GRM7: variants seen among roughly 807,000 people sequenced by gnomAD.
GRM7 encodes the protein glutamate metabotropic receptor 7, also known as metabotropic glutamate receptor 7.
Under a neutral mutation model 84.5 loss-of-function variants are expected in GRM7, and 35 were observed. That is an observed-to-expected ratio of 0.41 (90% CI 0.32 to 0.55). The LOEUF (loss-of-function observed/expected upper bound fraction) is 0.55, where lower values mean the gene tolerates loss of function less well. GRM7 is among the 20% of genes least tolerant of loss of function. The pLI is 0.19. For synonymous variants in GRM7, 487 were observed against 455.1 expected (o/e 1.07, Z -0.89); for missense variants, 1,003 against 1,194.6 (o/e 0.84, Z 2.36).
At chr3:7,235,429 C>T (rs1348058606) in intron 2 of GRM7, among the ~76,000 whole-genome samples, 1 of 152,138 alleles carries the variant, frequency 6.6e-6, no homozygotes, top group Non-Finnish European at 1.5e-5. Context: ...TTGGCCACCA[C>T]CAATAAGGAA....
chr3:7,712,638 C>CT (rs745932067), intron 9 of GRM7, among the ~76,000 whole-genome samples: 7 of 135,272 alleles, frequency 5.2e-5, no homozygotes, highest in Admixed American at 2.4e-4. Flanking sequence ...TTTCTTTGTT[C>CT]TTTTTTTTGT....
chr3:7,354,334 T>C (rs557716629), intron 4 of GRM7, among the ~76,000 whole-genome samples: 1 of 151,156 alleles, frequency 6.6e-6, no homozygotes, highest in Admixed American at 6.6e-5. Context: ...AGGTGATTAA[T>C]GGAGTGTTAC....
At chr3:6,909,999 A>G (rs904098555) in intron 1 of GRM7, among the ~76,000 whole-genome samples, 1 of 152,128 alleles carries the variant, frequency 6.6e-6, no homozygotes, top group African/African-American at 2.4e-5. Flanking sequence ...TAAAAATTCT[A>G]TATTAAATCC....
chr3:7,555,126 G>A (rs1219645916), intron 7 of GRM7, among the ~76,000 whole-genome samples: 1 of 152,214 alleles, frequency 6.6e-6, no homozygotes, highest in African/African-American at 2.4e-5. Flanking sequence ...GTTGTAAAAT[G>A]TGGATGACAC....
chr3:7,092,570 T>A (rs901733261), intron 1 of GRM7, among the ~76,000 whole-genome samples: 4 of 145,758 alleles, frequency 2.7e-5, no homozygotes, highest in African/African-American at 1.0e-4. Context: ...TTTATGTTGA[T>A]GTTTTCAGCT....
intron 9 of GRM7, among the ~76,000 whole-genome samples, chr3:7,683,502 T>C (rs572109727): frequency 6.6e-6 from 1 of 152,208 alleles, no homozygotes; most frequent in Non-Finnish European, 1.5e-5. Context: ...TAACTAGATA[T>C]TGGCTAAACC....
At chr3:7,415,561 G>T (rs560880902) in intron 5 of GRM7, among the ~76,000 whole-genome samples, 191 of 152,200 alleles carry the variant, frequency 1.3e-3, no homozygotes, top group African/African-American at 4.4e-3. Flanking sequence ...GAGTGATTGG[G>T]TTTAGAATAA....
At chr3:7,358,944 C>T (rs112104613) in intron 4 of GRM7, among the ~76,000 whole-genome samples, 8 of 144,770 alleles carry the variant, frequency 5.5e-5, no homozygotes, top group Non-Finnish European at 1.1e-4. Context: ...ATGGTGAAAC[C>T]CTGTCTCTAC....
At chr3:7,185,870 TTAAATA>T (rs1457075822) in intron 2 of GRM7, among the ~76,000 whole-genome samples, 1 of 152,196 alleles carries the variant, frequency 6.6e-6, no homozygotes, top group Non-Finnish European at 1.5e-5. Context: ...ATGCCCAGGT[TTAAATA>T]TCTGTGGTTA....
chr3:6,901,128 G>A (rs62235376), intron 1 of GRM7, among the ~76,000 whole-genome samples: 11,158 of 152,182 alleles, frequency 0.073, 566 homozygotes, highest in Non-Finnish European at 0.11. Flanking sequence ...GAGTTAGCCA[G>A]GGGTGACAAT....
intron 1 of GRM7, among the ~76,000 whole-genome samples, chr3:6,871,130 A>G (rs1369772000): frequency 1.3e-5 from 2 of 152,208 alleles, no homozygotes; most frequent in Non-Finnish European, 2.9e-5. Flanking sequence ...ACAAAACAGT[A>G]TCTCATTATT....
rs538164222 is a variant in GRM7 at position 7,423,726 on chromosome 3, T to C, written c.1174+8563T>C. 8.2e-4 allele frequency among the ~76,000 whole-genome samples: 125 copies of C among 151,854 alleles called. 1 individual carries two copies. Among genetic ancestry groups the C allele is most frequent in the African/African-American group, 2.1e-3 (89 of 41,426 alleles). ...ATGTATAGCATCATATTTATTTTTC[T>C]ACAGAATAAAATGTGATCACAAAAT... On this transcript the variant is annotated intron_variant, in intron 5 of 9. Coordinates refer to ENST00000357716, the MANE Select transcript of GRM7 (RefSeq NM_000844.4).
chr3:7,162,205 C>G (rs146960377), intron 2 of GRM7, among the ~76,000 whole-genome samples: 578 of 152,070 alleles, frequency 3.8e-3, no homozygotes, highest in Non-Finnish European at 6.9e-3. Flanking sequence ...GAGGGGAAGT[C>G]CACAATAGAG....
At chr3:7,612,535 T>G (rs540588460) in intron 8 of GRM7, among the ~76,000 whole-genome samples, 3 of 152,112 alleles carry the variant, frequency 2.0e-5, no homozygotes, top group East Asian at 3.9e-4. Flanking sequence ...AAGCTCTAAC[T>G]TACAGAGGAC....
chr3:7,338,741 T>G (rs988415664), intron 4 of GRM7, among the ~76,000 whole-genome samples: 1 of 152,078 alleles, frequency 6.6e-6, no homozygotes, highest in African/African-American at 2.4e-5. Flanking sequence ...CTGTCATGAT[T>G]GTAGAAATAA....
chr3:7,118,946 T>C (rs1350125632), intron 1 of GRM7, among the ~76,000 whole-genome samples: 1 of 152,174 alleles, frequency 6.6e-6, no homozygotes, highest in African/African-American at 2.4e-5. Context: ...AAAGCATATC[T>C]TGACTTGCCT....
chr3:6,921,575 C>A (rs1297302901), intron 1 of GRM7, among the ~76,000 whole-genome samples: 3 of 151,952 alleles, frequency 2.0e-5, no homozygotes, highest in African/African-American at 7.2e-5. Context: ...TAACAACAAA[C>A]GTTTAAGTAC....
intron 1 of GRM7, among the ~76,000 whole-genome samples, chr3:7,016,125 T>C (rs1023365808): frequency 1.3e-4 from 19 of 151,816 alleles, no homozygotes; most frequent in African/African-American, 4.4e-4. Context: ...CTTTGATCTA[T>C]CTGGGCTAAA....
At chr3:7,041,774 G>C (rs73112823) in intron 1 of GRM7, among the ~76,000 whole-genome samples, 1,550 of 152,278 alleles carry the variant, frequency 0.01, 25 homozygotes, top group African/African-American at 0.035. Context: ...TGACTGATGG[G>C]TGGCAGCCCC....
Sources: allele counts gnomAD v4.1 joint callset (sites outside exome capture counted in the v4.1 genomes callset), GRCh38; gene constraint gnomAD v4.1.1; transcripts MANE v1.5; gene names NCBI Gene and HGNC (gene_info 2026-07-23, HGNC 2026-07-21).